Variants in KAZN observed in about 807,000 individuals in gnomAD.
KAZN encodes kazrin.
A neutral mutation model predicts 87.4 loss-of-function variants in KAZN; 40 were observed. That is an observed-to-expected ratio of 0.46 (90% CI 0.36 to 0.60). KAZN has a LOEUF of 0.60. Among genes scored for constraint, KAZN ranks in the 20% least tolerant of loss-of-function variants. The pLI is 0.00. For synonymous variants in KAZN, 466 were observed against 458.3 expected (o/e 1.02, Z -0.22); for missense variants, 898 against 1,073.9 (o/e 0.84, Z 2.29).
intron 2 of KAZN, among the ~76,000 whole-genome samples, chr1:14,534,738 TG>T (rs778608629): frequency 6.6e-6 from 1 of 152,214 alleles, no homozygotes; most frequent in Non-Finnish European, 1.5e-5. Context: ...GACACCAGGC[TG>T]TCTTTCCCAG....
At chr1:14,800,994 A>C (rs1366199923) in intron 1 of KAZN, among the ~76,000 whole-genome samples, 1 of 151,774 alleles carries the variant, frequency 6.6e-6, no homozygotes, top group Non-Finnish European at 1.5e-5. Context: ...ATGCTAAAAA[A>C]CACTGAATTG....
chr1:14,187,285 A>T, intron 2 of KAZN, among the ~76,000 whole-genome samples: 1 of 152,184 alleles, frequency 6.6e-6, no homozygotes, highest in South Asian at 2.1e-4. Context: ...CTGGCTTCAG[A>T]TATAGAATAC....
chr1:14,410,723 G>A (rs1664236071), intron 2 of KAZN, among the ~76,000 whole-genome samples: 1 of 152,170 alleles, frequency 6.6e-6, no homozygotes, highest in South Asian at 2.1e-4. Context: ...AGAAGAGAAG[G>A]GCAATGTGAA....
intron 2 of KAZN, among the ~76,000 whole-genome samples, chr1:14,388,526 G>C (rs535370376): frequency 6.6e-5 from 10 of 152,236 alleles, no homozygotes; most frequent in African/African-American, 2.4e-4. Flanking sequence ...CAGTGGAACA[G>C]AGAACCCAGA....
chr1:14,872,668 C>T (rs1472432873), intron 1 of KAZN, among the ~76,000 whole-genome samples: 1 of 152,208 alleles, frequency 6.6e-6, no homozygotes, highest in Non-Finnish European at 1.5e-5. Flanking sequence ...CATCTCCCTT[C>T]ACATTTGAAG....
intron 2 of KAZN, among the ~76,000 whole-genome samples, chr1:14,560,676 G>T (rs765342973): frequency 6.6e-6 from 1 of 152,144 alleles, no homozygotes; most frequent in Non-Finnish European, 1.5e-5. Context: ...GGCACAAGGA[G>T]AGCGTCCATT....
chr1:13,936,012 T>G (rs866664025), intron 1 of KAZN, among the ~76,000 whole-genome samples: 1 of 150,940 alleles, frequency 6.6e-6, no homozygotes, highest in African/African-American at 2.4e-5. Flanking sequence ...ATCTGGTATG[T>G]GTATCTTATC....
intron 2 of KAZN, among the ~76,000 whole-genome samples, chr1:14,512,694 G>A (rs1487371947): frequency 6.6e-6 from 1 of 152,232 alleles, no homozygotes; most frequent in Admixed American, 6.5e-5. Context: ...GCCGGCTGCT[G>A]TTCCGACACC....
intron 1 of KAZN, among the ~76,000 whole-genome samples, chr1:14,881,944 C>T (rs185082510): frequency 8.8e-4 from 134 of 152,312 alleles, no homozygotes; most frequent in Middle Eastern, 6.8e-3. Context: ...CTGTTCTCTA[C>T]TCCTCCTGTG....
intron 2 of KAZN, among the ~76,000 whole-genome samples, chr1:14,534,308 C>T (rs1026218986): frequency 2.0e-5 from 3 of 152,154 alleles, no homozygotes; most frequent in African/African-American, 7.2e-5. Context: ...CTGTGGGAAG[C>T]AATTCAACTC....
At chr1:15,084,915 A>C (rs1293984032) in intron 8 of KAZN, among the ~76,000 whole-genome samples, 1 of 152,254 alleles carries the variant, frequency 6.6e-6, no homozygotes, top group African/African-American at 2.4e-5. Context: ...TACCAAATAC[A>C]AAATACTAAA....
intron 1 of KAZN, among the ~76,000 whole-genome samples, chr1:14,074,864 A>AT (rs1643390463): frequency 6.6e-6 from 1 of 152,216 alleles, no homozygotes; most frequent in Non-Finnish European, 1.5e-5. Context: ...CGATTTTATC[A>AT]TCAATTAAAT....
intron 2 of KAZN, among the ~76,000 whole-genome samples, chr1:14,991,836 C>G (rs1045832225): frequency 1.3e-5 from 2 of 152,230 alleles, no homozygotes; most frequent in Non-Finnish European, 2.9e-5. Flanking sequence ...CACTGATGCT[C>G]TAAACCCCTG....
chr1:14,101,398 A>G (rs868108768), intron 1 of KAZN, among the ~76,000 whole-genome samples: 5 of 152,228 alleles, frequency 3.3e-5, no homozygotes, highest in African/African-American at 1.2e-4. Flanking sequence ...CAGATAAACA[A>G]TTTGAGTTAG....
At chr1:14,417,628 G>A (rs1331121623) in intron 2 of KAZN, among the ~76,000 whole-genome samples, 1 of 152,092 alleles carries the variant, frequency 6.6e-6, no homozygotes, top group African/African-American at 2.4e-5. Context: ...GGCTGTACAA[G>A]GAGACCCTAG....
At chr1:14,682,656 T>G (rs992471410) in intron 1 of KAZN, among the ~76,000 whole-genome samples, 1 of 152,146 alleles carries the variant, frequency 6.6e-6, no homozygotes, top group Non-Finnish European at 1.5e-5. Context: ...TGTTGTTATA[T>G]TTTTAATGGA....
At chr1:14,456,948 T>C (rs1376166018) in intron 2 of KAZN, among the ~76,000 whole-genome samples, 1 of 152,054 alleles carries the variant, frequency 6.6e-6, no homozygotes, top group Non-Finnish European at 1.5e-5. Flanking sequence ...GGCCTGGTGG[T>C]GTGTGCCTGG....
At chr1:14,868,341 T>C (rs1651766531) in intron 1 of KAZN, among the ~76,000 whole-genome samples, 1 of 152,240 alleles carries the variant, frequency 6.6e-6, no homozygotes, top group Non-Finnish European at 1.5e-5. Context: ...ATTGCATCTA[T>C]TGGGCAATTA....
intron 2 of KAZN, among the ~76,000 whole-genome samples, chr1:14,258,218 C>CTTTCTTTCTTTCTTT (rs539198790): frequency 3.2e-5 from 4 of 126,452 alleles, no homozygotes; most frequent in African/African-American, 1.2e-4. Flanking sequence ...TTCTTTCTTT[C>CTTTCTTTCTTTCTTT]TTTTTTTTTT....
Sources: allele counts gnomAD v4.1 joint callset (sites outside exome capture counted in the v4.1 genomes callset), GRCh38; gene constraint gnomAD v4.1.1; transcripts MANE v1.5; gene names NCBI Gene and HGNC (gene_info 2026-07-23, HGNC 2026-07-21).